Variants in NR4A2 observed in about 807,000 individuals in gnomAD.
The protein encoded by NR4A2 is NGFI-B/nur77 beta-type transcription factor homolog.
A neutral mutation model predicts 50.5 loss-of-function variants in NR4A2; 1 was observed. That is an observed-to-expected ratio of 0.02 (90% confidence interval 0.01 to 0.09). NR4A2 has a LOEUF of 0.09. NR4A2 is among the 10% of genes least tolerant of loss of function. The pLI is 1.00. For synonymous variants in NR4A2, 328 were observed against 309.4 expected (o/e 1.06, Z -0.63); for missense variants, 613 against 777.3 (o/e 0.79, Z 2.51).
chr2:156,331,383 T>C (rs1001865534), intron 1 of NR4A2, among the ~76,000 whole-genome samples: 5 of 152,216 alleles, frequency 3.3e-5, no homozygotes, highest in African/African-American at 9.6e-5. Flanking sequence ...TACAGATAAA[T>C]TGATGTTCAC....
In NR4A2 at chr2:156,329,030, G is replaced by A. The variant is rs534286205; in HGVS notation, c.864+293C>T. Among the ~76,000 whole-genome samples the A allele has an allele frequency of 1.8e-3, 270 of 152,328 alleles. No individual in the cohort carries two copies. The highest frequency in any genetic ancestry group is 0.013 in the South Asian group (61 of 4,832). On this transcript the variant is annotated intron_variant, in intron 3 of 7. Transcript: ENST00000339562. This position sits in a 1 kb window ranked among gnomAD's most constrained non-coding sequence, Gnocchi z 7.5. ...AAGACAGCTCCTAGCACATGCAAAT[G>A]ACCCTCTTCCAACTCCGGCTCCAGC... is the stretch of plus-strand genomic sequence containing the variant.
In NR4A2 at chr2:156,325,455, CTG is replaced by C; in HGVS notation, c.*287_*288del. On this transcript the variant is annotated 3_prime_UTR_variant, in exon 8 of 8. Coordinates refer to ENST00000339562, the MANE Select transcript of NR4A2 (RefSeq NM_006186.4). ...TCTGAACAACAAACTGATTTTTAAACTGAGAATAAAAAGTTTATACCACTGTA... is the reference window on the plus strand; with the variant it reads ...TCTGAACAACAAACTGATTTTTAAACAGAATAAAAAGTTTATACCACTGTA... 1 of 423,828 alleles carries C rather than the reference CTG, an allele frequency of 2.4e-6. No individual in the cohort carries two copies. Among genetic ancestry groups the C allele is most frequent in the Non-Finnish European group, 4.4e-6 (1 of 227,200 alleles). The allele number at this position is 423,828 out of a possible 1,614,324, so 26.3% of individuals were successfully genotyped here.
Position 156,328,417 on chromosome 2 carries a change from C to A in NR4A2, c.981G>T (p.Gly327=). Residue 327 remains glycine (G), a synonymous_variant, in exon 4 of 8, where the codon GGG becomes GGT. Transcript: ENST00000339562. The surrounding 1 kb of genome is among the most constrained non-coding windows in gnomAD (Gnocchi z 4.9). ...CCCTCAGCCTACCTTCTTTGACCAT[C>A]CCAACAGCCAGGCACTTCTGAAATC... The part of the protein sequence containing the change: ...YCRFQKCLAV[G]MVKEVVRTDS... 6.2e-7 allele frequency: 1 copy of A among 1,614,206 alleles called. No individual in the cohort carries two copies.
rs1686611858 is a variant in NR4A2 at position 156,325,701 on chromosome 2, T to G, written c.*43A>C. On this transcript the variant is annotated 3_prime_UTR_variant, in exon 8 of 8. Transcript: ENST00000339562. ...TGTGACTTGCCCCCTCTTGACAGTT[T>G]CCATTATCATTCCAGTTCCTTTGAA... 3.7e-6 allele frequency: 6 copies of G among 1,612,866 alleles called. No homozygotes were observed. The East Asian group carries it at 1.1e-4, about 30-fold the overall frequency.
At chr2:156,330,845 G>C (rs1686890990) in intron 1 of NR4A2, 54 bp from the exon 2 acceptor site, 2 of 1,239,406 alleles carry the variant, frequency 1.6e-6, no homozygotes, top group Non-Finnish European at 2.0e-6. Context: ...AGATTCAGCT[G>C]GGCATATGTA....
rs1686769744 is a variant in NR4A2 at position 156,328,719 on chromosome 2, G to A, written c.865-186C>T. On this transcript the variant is annotated intron_variant, in intron 3 of 7. Coordinates refer to ENST00000339562, the MANE Select transcript of NR4A2 (RefSeq NM_006186.4). The surrounding 1 kb of genome is among the most constrained non-coding windows in gnomAD (Gnocchi z 4.9). ...TTCTTTTCTTTTTTCCTCCCCCAGG[G>A]CATTTAACAGAAGAAAATTGATAGC... is the stretch of plus-strand genomic sequence containing the variant. Among the ~76,000 whole-genome samples, 1 of 151,308 alleles carries A rather than the reference G, an allele frequency of 6.6e-6. No homozygotes were observed. Among genetic ancestry groups the A allele is most frequent in the South Asian group, 2.1e-4 (1 of 4,784 alleles).
rs951429486 is a variant in NR4A2, at chr2:156,329,200, G to C, written c.864+123C>G. 7.7e-5 allele frequency: 109 copies of C among 1,407,456 alleles called. 2 individuals carry two copies. Among genetic ancestry groups the C allele is most frequent in the Non-Finnish European group, 1.0e-4 (103 of 1,026,138 alleles). 87.2% of individuals were successfully genotyped at this position (1,407,456 alleles called of 1,614,324 possible). On this transcript the variant is annotated intron_variant, in intron 3 of 7. Coordinates refer to ENST00000339562, the MANE Select transcript of NR4A2 (RefSeq NM_006186.4). The surrounding 1 kb of genome is among the most constrained non-coding windows in gnomAD (Gnocchi z 7.5). Reference sequence around the variant, plus strand: ...CTGCAGGGCAGCTTCGGCGGACCCCGGAGAGCTGGGCAGTCCCGGGAGAGC... The same window carrying C: ...CTGCAGGGCAGCTTCGGCGGACCCCCGAGAGCTGGGCAGTCCCGGGAGAGC...
rs1382561723 is a variant in NR4A2, at chr2:156,332,652, C to T, written c.-299G>A. The T allele has an allele frequency of 2.2e-6, 1 of 449,902 alleles. No homozygotes were observed. The highest frequency in any genetic ancestry group is 2.1e-5 in the African/African-American group (1 of 48,654). 27.9% of individuals were successfully genotyped at this position (449,902 alleles called of 1,614,324 possible). On this transcript the variant is annotated 5_prime_UTR_variant, in exon 1 of 8. Coordinates refer to ENST00000339562, the MANE Select transcript of NR4A2 (RefSeq NM_006186.4). The stretch of plus-strand genomic sequence containing the variant: ...CGGCCGGCTGGACAGGCAAAAGGGA[C>T]CGCGGAGCCGTGCGCGAGCCGCCGG...
intron 2 of NR4A2, 119 bp downstream of exon 2, chr2:156,330,549 A>G (rs1347523165): frequency 9.2e-7 from 1 of 1,081,678 alleles, no homozygotes; most frequent in Non-Finnish European, 1.3e-6. Context: ...TCACAATGAG[A>G]AAGTTGTTCC....
rs746730192 is a variant in NR4A2 at position 156,329,946 on chromosome 2, T to A, written c.241A>T (p.Met81Leu). The A allele has an allele frequency of 6.2e-7, 1 of 1,614,170 alleles. No individual in the cohort carries two copies. The highest frequency in any genetic ancestry group is 1.1e-5 in the South Asian group (1 of 91,080). Residue 81 changes from methionine (M) to leucine (L), a missense_variant, in exon 3 of 8, where the codon ATG (methionine) becomes TTG (leucine). This residue lies in a region of NR4A2 where 275 missense variants were observed against 248.9 expected (regional missense o/e 1.10). Transcript: ENST00000339562. The surrounding 1 kb of genome is among the most constrained non-coding windows in gnomAD (Gnocchi z 7.5). ...GAGGACTGCTGTCCGGACAGGGGCA[T>A]TTGGTACAAGCAAGGTGGCTTGACG... Reference protein sequence around the residue: ...YDVKPPCLYQMPLSGQQSSIK... With the variant: ...YDVKPPCLYQLPLSGQQSSIK...
rs1204331889 is a variant in NR4A2 at position 156,326,177 on chromosome 2, A to C, written c.1513T>G (p.Cys505Gly). The C allele has an allele frequency of 1.2e-6, 2 of 1,614,110 alleles. No individual in the cohort carries two copies. Among genetic ancestry groups the C allele is most frequent in the East Asian group, 2.2e-5 (1 of 44,900 alleles). The stretch of plus-strand genomic sequence containing the variant: ...GTGACCATAGCCAGGGCAGCAATGC[A>C]GGAGAAGGCAGAAATGTCGATGTTC... ...NMNIDISAFS[C>G]IAALAMVTER... The change falls in exon 7 of 8, where the codon TGC becomes GGC. Residue 505 changes from cysteine to glycine, a missense_variant. Cys to Gly is a radical substitution (Grantham distance 159). Around this residue, in one of 4 missense-constraint regions of NR4A2, gnomAD observed 250 missense variants for 311.3 expected, o/e 0.80. Coordinates refer to ENST00000339562, the MANE Select transcript of NR4A2 (RefSeq NM_006186.4). This position sits in a 1 kb window ranked among gnomAD's most constrained non-coding sequence, Gnocchi z 4.2.
rs1237151155 is a variant in NR4A2, at chr2:156,330,057, T to C, written c.130A>G (p.Met44Val). The change falls in exon 3 of 8, where the codon ATG (methionine) becomes GTG (valine). Residue 44 changes from methionine to valine, a missense_variant. By Grantham distance (21) the Met-to-Val change is conservative. This residue lies in a region of NR4A2 where 61 missense variants were observed against 96.4 expected (regional missense o/e 0.63). Coordinates refer to ENST00000339562, the MANE Select transcript of NR4A2 (RefSeq NM_006186.4). ...GTGATTTCAGTGTTGGTGAGGTCCA[T>C]GCTAAACTTGACAAACTCTGGAGTT... ...FLTPEFVKFS[M>V]DLTNTEITAT... The C allele has an allele frequency of 1.9e-6, 3 of 1,614,044 alleles. No homozygotes were observed. Among genetic ancestry groups the C allele is most frequent in the Non-Finnish European group, 2.5e-6 (3 of 1,180,038 alleles).
At position 156,329,283 on chromosome 2, in the gene NR4A2, G is replaced by A; in HGVS notation, c.864+40C>T. 1 of 1,592,914 alleles carries A rather than the reference G, an allele frequency of 6.3e-7. No individual in the cohort carries two copies. Among genetic ancestry groups the A allele is most frequent in the Non-Finnish European group, 8.5e-7 (1 of 1,170,182 alleles). ...CACACTCCGAGGTCCCGGGCACTAG[G>A]GGCTCCCTACCTGCCTACTCCGCTC... On this transcript the variant is annotated intron_variant, in intron 3 of 7. Coordinates refer to ENST00000339562, the MANE Select transcript of NR4A2 (RefSeq NM_006186.4). This position sits in a 1 kb window ranked among gnomAD's most constrained non-coding sequence, Gnocchi z 7.5.
intron 1 of NR4A2, chr2:156,331,831 T>A (rs1264150887): frequency 6.6e-6 from 1 of 152,264 alleles, no homozygotes; most frequent in Non-Finnish European, 1.5e-5. Flanking sequence ...CTTAGAGATA[T>A]TCCTGTGTTG....
At position 156,329,218 on chromosome 2, in the gene NR4A2, G is replaced by T. The variant is rs1437173407; in HGVS notation, c.864+105C>A. 2.7e-6 allele frequency: 4 copies of T among 1,490,154 alleles called. No homozygotes were observed. Among genetic ancestry groups the T allele is most frequent in the Admixed American group, 3.9e-5 (2 of 51,004 alleles). 92.3% of individuals were successfully genotyped at this position (1,490,154 alleles called of 1,614,324 possible). A position where few individuals can be genotyped will look rare whatever the true frequency, so the allele number is the denominator to read the frequency against. On this transcript the variant is annotated intron_variant, in intron 3 of 7. Transcript: ENST00000339562. This position sits in a 1 kb window ranked among gnomAD's most constrained non-coding sequence, Gnocchi z 7.5. ...GGACCCCGGAGAGCTGGGCAGTCCC[G>T]GGAGAGCTGGGGCTGGGCTACTGGC...
Position 156,326,839 on chromosome 2 carries a change from T to C in NR4A2, c.1240A>G (p.Met414Val). The C allele has an allele frequency of 6.2e-7, 1 of 1,614,218 alleles. No homozygotes were observed. Among genetic ancestry groups the C allele is most frequent in the Non-Finnish European group, 8.5e-7 (1 of 1,180,018 alleles). Residue 414 changes from methionine to valine, a missense_variant, in exon 6 of 8, where the codon ATG becomes GTG. Physicochemically the swap from Met to Val is conservative, Grantham distance 21 (BLOSUM62 1). This residue lies in a region of NR4A2 where 250 missense variants were observed against 311.3 expected (regional missense o/e 0.80). Transcript: ENST00000339562. The surrounding 1 kb of genome is among the most constrained non-coding windows in gnomAD (Gnocchi z 4.2). ...TCTGCCCAGCCCCGGATGATCTCCA[T>C]GGAGCCAGTCAGGAGATCATAGAAT... ...QQFYDLLTGS[M>V]EIIRGWAEKI...
intron 1 of NR4A2, among the ~76,000 whole-genome samples, chr2:156,331,630 T>C (rs980242643): frequency 9.2e-5 from 14 of 152,246 alleles, no homozygotes; most frequent in African/African-American, 2.7e-4. Flanking sequence ...TCTTGTGTCC[T>C]AGCAATTTTC....
Position 156,328,439 on chromosome 2 carries a change from A to T in NR4A2, c.959T>A (p.Phe320Tyr). The change falls in exon 4 of 8, where the codon TTT becomes TAT. Residue 320 changes from phenylalanine (F) to tyrosine (Y), a missense_variant. Around this residue, in one of 4 missense-constraint regions of NR4A2, gnomAD observed 27 missense variants for 120.7 expected, o/e 0.22. Transcript: ENST00000339562. The surrounding 1 kb of genome is among the most constrained non-coding windows in gnomAD (Gnocchi z 4.9). ...RRRNRCQYCR[F>Y]QKCLAVGMVK... ...CATCCCAACAGCCAGGCACTTCTGA[A>T]ATCGGCAGTACTGACAGCGATTCCG... 1 of 1,614,212 alleles carries T rather than the reference A, an allele frequency of 6.2e-7. No homozygotes were observed. The highest frequency in any genetic ancestry group is 8.5e-7 in the Non-Finnish European group (1 of 1,180,028).
At position 156,324,466 on chromosome 2, in the gene NR4A2, T is replaced by C. The variant is rs1250190738; in HGVS notation, c.*1278A>G. ...TTTACATGGTTTATTGTTGTAAACA[T>C]TAAAATTGTCTTTCTCAAAGAAAGA... On this transcript the variant is annotated 3_prime_UTR_variant, in exon 8 of 8. Transcript: ENST00000339562. 1 of 152,388 alleles carries C rather than the reference T, an allele frequency of 6.6e-6. No homozygotes were observed. The highest frequency in any genetic ancestry group is 1.5e-5 in the Non-Finnish European group (1 of 68,022). 9.4% of individuals were successfully genotyped at this position (152,388 alleles called of 1,614,324 possible).
Sources: gnomAD v4.1 joint callset for allele counts (sites outside exome capture counted in the v4.1 genomes callset) on GRCh38, gnomAD v4.1.1 for gene constraint, gnomAD v4.1.1 regional missense constraint, Gnocchi (gnomAD v3.1) non-coding constraint, MANE v1.5 for transcripts, NCBI Gene and HGNC (gene_info 2026-07-23, HGNC 2026-07-21) for gene names.